The following PECAM1 variants were observed in gnomAD, a reference collection of about 807,000 sequenced individuals.
PECAM1 encodes platelet and endothelial cell adhesion molecule 1.
PECAM1 carries 8 observed loss-of-function variants against 13.8 expected under a neutral mutation model. That is an observed-to-expected ratio of 0.58 (90% CI 0.34 to 1.05). PECAM1 has a LOEUF of 1.05. Among genes scored for constraint, PECAM1 ranks in the 50% least tolerant of loss-of-function variants. The pLI, the probability that PECAM1 is intolerant of heterozygous loss-of-function variation, is 0.03. For synonymous variants in PECAM1, 136 were observed against 52.6 expected (o/e 2.58, Z -6.86); for missense variants, 304 against 141.2 (o/e 2.15, Z -5.84).
At chr17:64,377,683 G>T in intron 3 of PECAM1, 141 bp downstream of exon 3, 1 of 423,804 alleles carries the variant, frequency 2.4e-6, no homozygotes. Flanking sequence ...ACGTATTCAG[G>T]TAAGGAAAAT....
At chr17:64,356,671 T>C (rs2035854398) in intron 7 of PECAM1, among the ~76,000 whole-genome samples, 3 of 152,006 alleles carry the variant, frequency 2.0e-5, no homozygotes. Flanking sequence ...GTTGTTGTTG[T>C]TTTAGAGACG....
Position 64,358,894 on chromosome 17 carries a change from T to C in PECAM1, c.1492+1246A>G, listed in dbSNP as rs931128245. Among the ~76,000 whole-genome samples the C allele has an allele frequency of 6.6e-4, 100 of 152,150 alleles. No homozygotes were observed. The East Asian group carries it at 0.017, about 26-fold the overall frequency. ...TCACTGCAGCCTCTGCCTCCCAGGT[T>C]CAAATGATTCTTGTGCCTCAGCCTC... On this transcript the variant is annotated intron_variant, in intron 7 of 15. Coordinates refer to ENST00000563924, the MANE Select transcript of PECAM1 (RefSeq NM_000442.5).
chr17:64,319,732 T>C lies in PECAM1; in HGVS notation c.*4084A>G, dbSNP rs1417215337. The C allele has an allele frequency of 6.6e-6, 1 of 152,074 alleles. No individual in the cohort carries two copies. Among genetic ancestry groups the C allele is most frequent in the African/African-American group, 2.4e-5 (1 of 41,396 alleles). The allele number at this position is 152,074 out of a possible 1,614,324, so 9.4% of individuals were successfully genotyped here. ...CCAGTCGTGCGTTCCCAGAGGAAGG[T>C]AGGTCATATACTGGTTAAATTCCGC... On this transcript the variant is annotated 3_prime_UTR_variant, in exon 16 of 16. Coordinates refer to ENST00000563924, the MANE Select transcript of PECAM1 (RefSeq NM_000442.5).
At chr17:64,378,428 G>T (rs982004391) in intron 2 of PECAM1, among the ~76,000 whole-genome samples, 64 of 152,262 alleles carry the variant, frequency 4.2e-4, no homozygotes, top group African/African-American at 1.5e-3. Context: ...GATCACCTGA[G>T]GTCAGCAGTT....
At chr17:64,364,726 G>T (rs1184792205) in intron 5 of PECAM1, among the ~76,000 whole-genome samples, 67 of 151,908 alleles carry the variant, frequency 4.4e-4, no homozygotes, top group African/African-American at 1.5e-3. Context: ...AAAACCACAT[G>T]ATTATCTCAA....
intron 13 of PECAM1, among the ~76,000 whole-genome samples, chr17:64,345,755 T>C: frequency 6.7e-6 from 1 of 149,546 alleles, no homozygotes; most frequent in East Asian, 2.0e-4. Flanking sequence ...GCTTCAGGCC[T>C]GCCGCGTTCC....
intron 2 of PECAM1, among the ~76,000 whole-genome samples, chr17:64,382,454 T>C (rs1406528664): frequency 1.3e-5 from 2 of 152,238 alleles, no homozygotes; most frequent in African/African-American, 4.8e-5. Context: ...GTTTAATTAC[T>C]TAAAGTAGAG....
rs1270144111 is a variant in PECAM1 at position 64,374,955 on chromosome 17, CCTGAGAA to C, written c.691+89_691+95del. 8.6e-4 allele frequency: 362 copies of C among 421,090 alleles called. 1 individual carries two copies. Among genetic ancestry groups the C allele is most frequent in the African/African-American group, 6.3e-3 (311 of 49,230 alleles). 26.1% of individuals were successfully genotyped at this position (421,090 alleles called of 1,614,324 possible). A position where few individuals can be genotyped will look rare whatever the true frequency, so the allele number is the denominator to read the frequency against. On this transcript the variant is annotated intron_variant, in intron 4 of 15. Transcript: ENST00000563924. ...AAATGATTAAGAACAGGTCTTAAGT[CCTGAGAA>C]CAGCAGCCCCTTCCCAGTTCTGGGT...
intron 9 of PECAM1, among the ~76,000 whole-genome samples, chr17:64,354,637 T>G (rs1278898513): frequency 6.6e-6 from 1 of 152,164 alleles, no homozygotes; most frequent in African/African-American, 2.4e-5. Context: ...AAGCATTCAA[T>G]GTGTGTGTGC....
chr17:64,359,691 A>G (rs1200302644), intron 7 of PECAM1, among the ~76,000 whole-genome samples: 2 of 151,576 alleles, frequency 1.3e-5, no homozygotes, highest in South Asian at 4.2e-4. Flanking sequence ...TCCTTTACTG[A>G]ACCTTGGCCC....
chr17:64,357,877 C>T (rs2035880582), intron 7 of PECAM1, among the ~76,000 whole-genome samples: 1 of 152,146 alleles, frequency 6.6e-6, no homozygotes, highest in Admixed American at 6.5e-5. Context: ...GGTCTGAAGT[C>T]ACCATGCCTG....
In PECAM1 at chr17:64,342,566, C is replaced by A. The variant is rs1417381525; in HGVS notation, c.2108-876G>T. Among the ~76,000 whole-genome samples the A allele has an allele frequency of 2.0e-5, 3 of 152,096 alleles. No homozygotes were observed. The South Asian group carries it at 6.2e-4, about 31-fold the overall frequency. On this transcript the variant is annotated intron_variant, in intron 13 of 15. Coordinates refer to ENST00000563924, the MANE Select transcript of PECAM1 (RefSeq NM_000442.5). ...GCTGTTTTCACTGCTGGCTCCTGGG[C>A]CTCACTGCAGCTTCTGGTTGGATTG... is the stretch of plus-strand genomic sequence containing the variant.
At chr17:64,352,797 G>A (rs1205358354) in intron 10 of PECAM1, among the ~76,000 whole-genome samples, 1 of 152,004 alleles carries the variant, frequency 6.6e-6, no homozygotes, top group Non-Finnish European at 1.5e-5. Context: ...TGGGATTACA[G>A]GCATGCACCA....
rs1363255660 is a variant in PECAM1 at position 64,380,373 on chromosome 17, G to A, written c.92-2256C>T. Among the ~76,000 whole-genome samples the A allele has an allele frequency of 2.0e-5, 3 of 152,066 alleles. 1 individual carries two copies. Among genetic ancestry groups the A allele is most frequent in the African/African-American group, 7.2e-5 (3 of 41,410 alleles). ...AAAAAAGAGAAAAAGTAATTGATCT[G>A]TAGGGGATTTGGAAAAAAATGTACT... is the stretch of plus-strand genomic sequence containing the variant. On this transcript the variant is annotated intron_variant, in intron 2 of 15. Transcript: ENST00000563924.
At chr17:64,355,966 C>T (rs1183372542) in intron 8 of PECAM1, 145 bp downstream of exon 8, 2 of 430,078 alleles carry the variant, frequency 4.7e-6, no homozygotes, top group Non-Finnish European at 8.3e-6. Flanking sequence ...CTGTCACTTG[C>T]AACCAAGAGC....
intron 12 of PECAM1, among the ~76,000 whole-genome samples, chr17:64,348,933 C>T (rs2035647805): frequency 6.6e-6 from 1 of 152,140 alleles, no homozygotes; most frequent in South Asian, 2.1e-4. Context: ...GCCTAGGTCC[C>T]TGTTTCTACA....
At chr17:64,329,626 G>A (rs45495798) in intron 15 of PECAM1, 74 bp downstream of exon 15, 43,720 of 718,640 alleles carry the variant, frequency 0.061, 1,580 homozygotes, top group African/African-American at 0.089. Context: ...AATGCAGGAC[G>A]TGGGTGAGTC....
chr17:64,341,264 CAAA>C (rs1397695290), intron 14 of PECAM1, among the ~76,000 whole-genome samples: 1 of 136,196 alleles, frequency 7.3e-6, no homozygotes, highest in Non-Finnish European at 1.6e-5. Context: ...ACTCCATATC[CAAA>C]AAAAAAAAAG....
chr17:64,369,713 G>A (rs984870494), intron 5 of PECAM1, 37 bp downstream of exon 5: 9 of 398,548 alleles, frequency 2.3e-5, no homozygotes, highest in Middle Eastern at 1.3e-3. Flanking sequence ...TCTTGAGCCC[G>A]CCATATGCCA....
Sources: gnomAD v4.1 joint callset for allele counts (sites outside exome capture counted in the v4.1 genomes callset) on GRCh38, gnomAD v4.1.1 for gene constraint, MANE v1.5 for transcripts, NCBI Gene and HGNC (gene_info 2026-07-23, HGNC 2026-07-21) for gene names.